NRCAM: variants seen among roughly 807,000 people sequenced by gnomAD.
NRCAM encodes NgCAM-related cell adhesion molecule.
A neutral mutation model predicts 156.5 loss-of-function variants in NRCAM; 83 were observed. The observed-to-expected ratio is 0.53, with a 90% confidence interval of 0.44 to 0.64. The LOEUF (loss-of-function observed/expected upper bound fraction) is 0.64. NRCAM is among the 30% of genes least tolerant of loss of function. The pLI is 0.00. For missense variants in NRCAM, 1,417 were observed against 1,597.3 expected (o/e 0.89, Z 1.92); for synonymous variants, 538 against 563.9 (o/e 0.95, Z 0.65).
At chr7:108,374,835 G>A (rs1437141279) in intron 2 of NRCAM, among the ~76,000 whole-genome samples, 2 of 152,128 alleles carry the variant, frequency 1.3e-5, no homozygotes, top group Non-Finnish European at 2.9e-5. Flanking sequence ...CTCAAAGAAA[G>A]TATGGGTTCC....
At chr7:108,453,343 G>T (rs1852658028) in intron 1 of NRCAM, among the ~76,000 whole-genome samples, 1 of 152,106 alleles carries the variant, frequency 6.6e-6, no homozygotes, top group Non-Finnish European at 1.5e-5. Flanking sequence ...CTACAGCCCA[G>T]GTGTATACAT....
At chr7:108,399,616 C>T (rs770412643) in intron 1 of NRCAM, 23 bp from the exon 2 acceptor site, 7 of 152,148 alleles carry the variant, frequency 4.6e-5, no homozygotes, top group Non-Finnish European at 8.8e-5. Context: ...AAAAGTAACA[C>T]AGGACAATGT....
chr7:108,268,634 GT>G lies in NRCAM; in HGVS notation c.-106-28465del, dbSNP rs796135319. ...GGGGCGGGGGTGGGGGTGGGGGGGG[GT>G]TGGGGGGGGCGGCGGTGGCGGGAAG... On this transcript the variant is annotated intron_variant, in intron 3 of 32. Coordinates refer to ENST00000379028, the MANE Select transcript of NRCAM (RefSeq NM_001037132.4). 4.5e-3 allele frequency among the ~76,000 whole-genome samples: 314 copies of G among 69,204 alleles called. 38 individuals carry two copies. Among genetic ancestry groups the G allele is most frequent in the Non-Finnish European group, 6.2e-3 (216 of 34,816 alleles). The allele number at this position is 69,204 out of a possible 152,430, so 45.4% of individuals were successfully genotyped here.
intron 3 of NRCAM, among the ~76,000 whole-genome samples, chr7:108,292,355 A>G (rs73201518): frequency 0.05 from 7,553 of 152,238 alleles, 255 homozygotes; most frequent in South Asian, 0.14. Context: ...TTTACTTGTG[A>G]AAAAACGGTT....
chr7:108,438,725 C>A (rs1036797470), intron 1 of NRCAM, among the ~76,000 whole-genome samples: 4 of 152,032 alleles, frequency 2.6e-5, no homozygotes, highest in Non-Finnish European at 5.9e-5. Context: ...TCAGAGATGA[C>A]ACAAATGTAG....
intron 7 of NRCAM, 43 bp from the exon 8 acceptor site, chr7:108,231,196 A>G (rs1449244660): frequency 8.2e-6 from 12 of 1,460,882 alleles, no homozygotes; most frequent in Non-Finnish European, 1.0e-5. Flanking sequence ...TCTGCATTGA[A>G]AAGTACAAAA....
chr7:108,304,389 CT>C (rs11417635), intron 3 of NRCAM, among the ~76,000 whole-genome samples: 124 of 147,106 alleles, frequency 8.4e-4, no homozygotes, highest in Non-Finnish European at 7.5e-4. Flanking sequence ...CTATTCCATG[CT>C]TTTTTTTTTT....
intron 3 of NRCAM, among the ~76,000 whole-genome samples, chr7:108,274,571 G>A (rs181721597): frequency 8.1e-4 from 123 of 152,188 alleles, no homozygotes; most frequent in Non-Finnish European, 2.2e-4. Context: ...AATGCTTGTG[G>A]TTTTTGCACA....
upstream of NRCAM, chr7:108,456,645 C>T (rs893244192): frequency 6.6e-6 from 1 of 152,252 alleles, no homozygotes; most frequent in African/African-American, 2.4e-5. Flanking sequence ...CCGCCGGCGC[C>T]TCGAGGGACT....
intron 2 of NRCAM, among the ~76,000 whole-genome samples, chr7:108,339,042 A>G (rs2099243791): frequency 6.6e-6 from 1 of 152,248 alleles, no homozygotes; most frequent in South Asian, 2.1e-4. Context: ...CAAAAAAGCA[A>G]AAAGGTAGCT....
chr7:108,407,760 G>A (rs1385494382), intron 1 of NRCAM, among the ~76,000 whole-genome samples: 2 of 152,190 alleles, frequency 1.3e-5, no homozygotes, highest in East Asian at 1.9e-4. Flanking sequence ...AACCACAGGC[G>A]ATATGTTTAC....
In NRCAM at chr7:108,240,013, G is replaced by C. The variant is rs2095424762; in HGVS notation, c.52C>G (p.Pro18Ala). 1.9e-6 allele frequency: 3 copies of C among 1,613,310 alleles called. No homozygotes were observed. The highest frequency in any genetic ancestry group is 1.7e-4 in the Middle Eastern group (1 of 6,052). Residue 18 changes from proline (P) to alanine (A), a missense_variant, in exon 4 of 33, where the codon CCC (proline) becomes GCC (alanine). By Grantham distance (27) the Pro-to-Ala change is conservative. Transcript: ENST00000379028. Reference protein sequence around the residue: ...KKKRLSAGRVPLILFLCQMIS... With the variant: ...KKKRLSAGRVALILFLCQMIS... ...ATCTGGCACAGGAAGAGAATCAGGG[G>C]CACTCTGCCCGCAGATAAGCGCTTC... is the stretch of plus-strand genomic sequence containing the variant.
At chr7:108,156,199 C>A (rs2045361805) in intron 32 of NRCAM, 6 of 615,032 alleles carry the variant, frequency 9.8e-6, no homozygotes, top group Non-Finnish European at 1.2e-5. Flanking sequence ...TGGCATCATT[C>A]AAGCCTTATG....
At chr7:108,276,672 G>A (rs933190606) in intron 3 of NRCAM, among the ~76,000 whole-genome samples, 12 of 151,968 alleles carry the variant, frequency 7.9e-5, no homozygotes, top group African/African-American at 2.9e-4. Context: ...ACAATGATGG[G>A]TCTTGACTCT....
At chr7:108,438,567 G>A (rs1834907670) in intron 1 of NRCAM, among the ~76,000 whole-genome samples, 1 of 152,186 alleles carries the variant, frequency 6.6e-6, no homozygotes, top group Non-Finnish European at 1.5e-5. Context: ...AAGGGTGAAA[G>A]CTTTCCCCCT....
chr7:108,296,461 C>T lies in NRCAM; in HGVS notation c.-107+16204G>A, dbSNP rs117789043. Among the ~76,000 whole-genome samples, 1,030 of 152,140 alleles carry T rather than the reference C, an allele frequency of 6.8e-3. 6 individuals are homozygous for T. The highest frequency in any genetic ancestry group is 0.012 in the Non-Finnish European group (783 of 68,006). Reference sequence around the variant, plus strand: ...GGAAGAATATACAGGTGACTCAGAGCGCTAATGCCATGTCTGATATGTGAC... The same window carrying T: ...GGAAGAATATACAGGTGACTCAGAGTGCTAATGCCATGTCTGATATGTGAC... On this transcript the variant is annotated intron_variant, in intron 3 of 32. Coordinates refer to ENST00000379028, the MANE Select transcript of NRCAM (RefSeq NM_001037132.4).
At chr7:108,171,664 A>G (rs992972533) in intron 28 of NRCAM, among the ~76,000 whole-genome samples, 5 of 152,030 alleles carry the variant, frequency 3.3e-5, no homozygotes, top group Non-Finnish European at 7.4e-5. Context: ...TTCAGATAAC[A>G]TTTTGCTCCA....
intron 3 of NRCAM, among the ~76,000 whole-genome samples, chr7:108,284,593 C>T (rs1033052725): frequency 9.2e-5 from 14 of 152,126 alleles, no homozygotes; most frequent in African/African-American, 3.4e-4. Context: ...GTGGCTCACA[C>T]CCCTCCCCTT....
At chr7:108,253,840 A>G (rs1209243169) in intron 3 of NRCAM, among the ~76,000 whole-genome samples, 1 of 152,166 alleles carries the variant, frequency 6.6e-6, no homozygotes, top group Non-Finnish European at 1.5e-5. Context: ...TTTTCTGAGT[A>G]CTGTGCTCAG....
Sources: allele counts gnomAD v4.1 joint callset (sites outside exome capture counted in the v4.1 genomes callset), GRCh38; gene constraint gnomAD v4.1.1; transcripts MANE v1.5; gene names NCBI Gene and HGNC (gene_info 2026-07-23, HGNC 2026-07-21).